The following CMYA5 variants were observed in gnomAD, a reference collection of about 807,000 sequenced individuals.
CMYA5 encodes cardiomyopathy associated 5.
Under a neutral mutation model 318.9 loss-of-function variants are expected in CMYA5, and 246 were observed. That is an observed-to-expected ratio of 0.77 (90% CI 0.70 to 0.86). The LOEUF (loss-of-function observed/expected upper bound fraction) is 0.86. Among genes scored for constraint, CMYA5 ranks in the 40% least tolerant of loss-of-function variants. CMYA5 has a pLI of 0.00. For synonymous variants in CMYA5, 1,641 were observed against 1,729.5 expected, an observed-to-expected ratio of 0.95 and a Z score of 1.27; for missense variants, 4,589 against 4,678.2, an observed-to-expected ratio of 0.98 and a Z score of 0.56.
In CMYA5 at chr5:79,737,316, A is replaced by G. The variant is rs778747591; in HGVS notation, c.8551A>G (p.Ile2851Val). The G allele has an allele frequency of 1.9e-6, 3 of 1,613,844 alleles. No homozygotes were observed. Among genetic ancestry groups the G allele is most frequent in the Non-Finnish European group, 2.5e-6 (3 of 1,179,794 alleles). The change falls in exon 2 of 13, where the codon ATT becomes GTT. Residue 2851 changes from isoleucine (I) to valine (V), a missense_variant. Ile to Val is a conservative substitution (Grantham distance 29). Around this residue, in one of 3 missense-constraint regions of CMYA5, gnomAD observed 2,431 missense variants for 2,495.1 expected, o/e 0.97. Transcript: ENST00000446378. ...LTPERHTVHT[I>V]QTSKDDTSDV... ...TCCAGAAAGGCATACAGTTCATACT[A>G]TTCAGACATCTAAAGATGACACATC... is the stretch of plus-strand genomic sequence containing the variant.
intron 9 of CMYA5, among the ~76,000 whole-genome samples, chr5:79,772,264 G>T (rs1412335487): frequency 6.6e-6 from 1 of 152,122 alleles, no homozygotes; most frequent in Non-Finnish European, 1.5e-5. Flanking sequence ...CATATTAGGG[G>T]CCGGCTAAGC....
rs115649720 is a variant in CMYA5, at chr5:79,795,716, C to G, written c.11963+2106C>G. On this transcript the variant is annotated intron_variant, in intron 12 of 12. Transcript: ENST00000446378. ...GGCAGCCAGGAAGAATGTGGCCAGTCTGGGGCAAGGAGTCCTGAGGGGAGT... is the reference window on the plus strand; with the variant it reads ...GGCAGCCAGGAAGAATGTGGCCAGTGTGGGGCAAGGAGTCCTGAGGGGAGT... Among the ~76,000 whole-genome samples the G allele has an allele frequency of 1.3e-3, 204 of 152,262 alleles. 1 individual carries two copies. The Middle Eastern group carries it at 0.017, about 13-fold the overall frequency.
intron 9 of CMYA5, among the ~76,000 whole-genome samples, chr5:79,773,582 C>G (rs1341770944): frequency 6.6e-6 from 1 of 152,206 alleles, no homozygotes; most frequent in Non-Finnish European, 1.5e-5. Context: ...TTAGGGGGAT[C>G]AAAGATTACT....
intron 9 of CMYA5, among the ~76,000 whole-genome samples, chr5:79,771,998 T>G (rs1055839697): frequency 6.6e-6 from 1 of 151,952 alleles, no homozygotes; most frequent in Admixed American, 6.6e-5. Context: ...TCCCTGATTA[T>G]CCTGGGGACT....
At chr5:79,705,835 A>G (rs1406265025) in intron 1 of CMYA5, among the ~76,000 whole-genome samples, 1 of 152,188 alleles carries the variant, frequency 6.6e-6, no homozygotes, top group Non-Finnish European at 1.5e-5. Context: ...TTTGAGCCTC[A>G]GACTCTGAAA....
chr5:79,752,584 A>G (rs1828449346), intron 5 of CMYA5, 92 bp from the exon 6 acceptor site: 1 of 848,388 alleles, frequency 1.2e-6, no homozygotes, highest in African/African-American at 1.7e-5. Flanking sequence ...AACCACCACT[A>G]CCAACACCAG....
chr5:79,689,851 A>G lies in CMYA5; in HGVS notation c.-57A>G. On this transcript the variant is annotated 5_prime_UTR_variant, in exon 1 of 13. Coordinates refer to ENST00000446378, the MANE Select transcript of CMYA5 (RefSeq NM_153610.5). ...GGGCCAGAGCAGTCGGAGGGAGAAC[A>G]CCAGGCGCGGCGCGGGCGGCTCCGG... 1.6e-6 allele frequency: 1 copy of G among 634,050 alleles called. No homozygotes were observed. 39.3% of individuals were successfully genotyped at this position (634,050 alleles called of 1,614,324 possible).
intron 1 of CMYA5, among the ~76,000 whole-genome samples, chr5:79,720,958 A>C (rs1003852921): frequency 6.6e-6 from 1 of 152,218 alleles, no homozygotes; most frequent in African/African-American, 2.4e-5. Context: ...AATATTGACA[A>C]TAAAAATAAT....
chr5:79,698,184 A>T (rs1351261528), intron 1 of CMYA5, among the ~76,000 whole-genome samples: 1 of 152,150 alleles, frequency 6.6e-6, no homozygotes. Flanking sequence ...ATGAGAAGAG[A>T]TTGAGACAAC....
chr5:79,734,387 T>C lies in CMYA5; in HGVS notation c.5622T>C (p.Pro1874=), dbSNP rs200267803. ...CAAAATCATTTATGACAACCAAGCC[T>C]GCGGATGTCAAAGAAACAAAAATGG... The part of the protein sequence containing the change: ...EQSKSFMTTK[P]ADVKETKMEE... The change falls in exon 2 of 13, where the codon CCT becomes CCC. Residue 1874 remains proline (P), a synonymous_variant. Transcript: ENST00000446378. 4.3e-6 allele frequency: 7 copies of C among 1,613,864 alleles called. No homozygotes were observed. The Admixed American group carries it at 6.7e-5, about 15-fold the overall frequency.
In CMYA5 at chr5:79,733,572, C is replaced by T. The variant is rs1257629499; in HGVS notation, c.4807C>T (p.Gln1603Ter). The T allele has an allele frequency of 6.2e-7, 1 of 1,613,830 alleles. No homozygotes were observed. The highest frequency in any genetic ancestry group is 1.1e-5 in the South Asian group (1 of 91,070). Residue 1603 changes from glutamine to a stop codon, truncating the protein, a stop_gained, in exon 2 of 13, where the codon CAG (glutamine) becomes TAG (stop). Coordinates refer to ENST00000446378, the MANE Select transcript of CMYA5 (RefSeq NM_153610.5). LOFTEE classifies it high-confidence loss of function. Reference protein sequence around the residue: ...KPAVEVSSTAQGDFPSEKQDV... With the variant: ...KPAVEVSSTA ...GGCAGTGGAGGTATCTTCTACAGCTCAGGGAGACTTCCCATCAGAAAAACA... is the reference window on the plus strand; with the variant it reads ...GGCAGTGGAGGTATCTTCTACAGCTTAGGGAGACTTCCCATCAGAAAAACA...
At chr5:79,761,050 A>C (rs1828641662) in intron 7 of CMYA5, among the ~76,000 whole-genome samples, 1 of 152,208 alleles carries the variant, frequency 6.6e-6, no homozygotes, top group Non-Finnish European at 1.5e-5. Flanking sequence ...CCATAGGCAA[A>C]ATTTACAAAG....
intron 4 of CMYA5, 127 bp downstream of exon 4, chr5:79,745,582 A>C: frequency 1.4e-6 from 1 of 706,184 alleles, no homozygotes; most frequent in Non-Finnish European, 2.4e-6. Flanking sequence ...TAATTCTGGC[A>C]TTTAAACATT....
chr5:79,761,025 G>A (rs1198859261), intron 7 of CMYA5, among the ~76,000 whole-genome samples: 3 of 152,042 alleles, frequency 2.0e-5, no homozygotes, highest in Non-Finnish European at 4.4e-5. Flanking sequence ...TCATAAGGGG[G>A]GGAAACTGAA....
Position 79,737,826 on chromosome 5 carries a change from C to G in CMYA5, c.9061C>G (p.Gln3021Glu). 1 of 1,604,456 alleles carries G rather than the reference C, an allele frequency of 6.2e-7. No individual in the cohort carries two copies. Among genetic ancestry groups the G allele is most frequent in the African/African-American group, 1.3e-5 (1 of 74,130 alleles). ...EKVTPLKENK[Q>E]KETHKTKEEI... ...AGTTACCCCATTGAAAGAAAATAAA[C>G]AAAAGGAAACTCATAAGACAAAAGA... Residue 3021 changes from glutamine to glutamate, a missense_variant, in exon 2 of 13, where the codon CAA becomes GAA. By Grantham distance (29) the Gln-to-Glu change is conservative (BLOSUM62 2). Coordinates refer to ENST00000446378, the MANE Select transcript of CMYA5 (RefSeq NM_153610.5).
At chr5:79,706,712 A>T (rs909187312) in intron 1 of CMYA5, among the ~76,000 whole-genome samples, 3 of 151,866 alleles carry the variant, frequency 2.0e-5, no homozygotes, top group Non-Finnish European at 2.9e-5. Flanking sequence ...ACGTCCATTC[A>T]TAGGCTCTCT....
chr5:79,739,288 A>C lies in CMYA5; in HGVS notation c.10523A>C (p.Gln3508Pro). The stretch of plus-strand genomic sequence containing the variant: ...GCACAAAAAGAGCTGAAAAAGTCCC[A>C]GATTGACACATACTGTTACACCTGC... ...EKAQKELKKS[Q>P]IDTYCYTCKC... The change falls in exon 2 of 13, where the codon CAG becomes CCG. Residue 3508 changes from glutamine (Q) to proline (P), a missense_variant. Coordinates refer to ENST00000446378, the MANE Select transcript of CMYA5 (RefSeq NM_153610.5). 1 of 1,607,416 alleles carries C rather than the reference A, an allele frequency of 6.2e-7. No homozygotes were observed. Among genetic ancestry groups the C allele is most frequent in the South Asian group, 1.1e-5 (1 of 89,360 alleles).
chr5:79,722,486 G>T (rs919791028), intron 1 of CMYA5, among the ~76,000 whole-genome samples: 1 of 152,056 alleles, frequency 6.6e-6, no homozygotes, highest in Non-Finnish European at 1.5e-5. Context: ...AGACCAGCCT[G>T]GCCAACATGA....
Position 79,745,422 on chromosome 5 carries a change from A to G in CMYA5, c.10935A>G (p.Glu3645=). The change falls in exon 4 of 13, where the codon GAA becomes GAG. Residue 3645 remains glutamate, a synonymous_variant. Transcript: ENST00000446378. ...AKDTLETIVR[E]AEELDEAVFL... is the part of the protein sequence containing the mutation. ...ACACCCTGGAGACCATCGTGAGAGAAGCAGAGGAGCTTGATGAGGCCGTCT... is the reference window on the plus strand; with the variant it reads ...ACACCCTGGAGACCATCGTGAGAGAGGCAGAGGAGCTTGATGAGGCCGTCT... 1 of 1,613,958 alleles carries G rather than the reference A, an allele frequency of 6.2e-7. No homozygotes were observed. The highest frequency in any genetic ancestry group is 2.2e-5 in the East Asian group (1 of 44,880).
Sources: allele counts gnomAD v4.1 joint callset (sites outside exome capture counted in the v4.1 genomes callset), GRCh38; gene constraint gnomAD v4.1.1; regional missense constraint gnomAD v4.1.1; transcripts MANE v1.5; gene names NCBI Gene and HGNC (gene_info 2026-07-23, HGNC 2026-07-21).